The following WDR82 variants were observed in gnomAD, a reference collection of about 807,000 sequenced individuals.
WDR82 encodes WD repeat-containing protein 82.
In WDR82, 8 loss-of-function variants were observed where a neutral mutation model predicts 36.1. The observed-to-expected ratio is 0.22, with a 90% confidence interval of 0.13 to 0.40. The LOEUF is 0.40. Ranked by LOEUF, WDR82 falls within the 10% of genes least tolerant of loss-of-function variation. The probability of loss-of-function intolerance (pLI) is 1.00; values close to 1 mark genes in which losing one functional copy is unlikely to be tolerated. For missense variants in WDR82, 185 were observed against 400.5 expected (o/e 0.46, Z 4.59); for synonymous variants, 129 against 137.8 (o/e 0.94, Z 0.45).
chr3:52,258,529 C>T lies in WDR82; in HGVS notation c.912+7G>A. The T allele has an allele frequency of 5.6e-6, 9 of 1,613,268 alleles. No individual in the cohort carries two copies. Among genetic ancestry groups the T allele is most frequent in the Non-Finnish European group, 7.6e-6 (9 of 1,179,872 alleles). On this transcript the variant is annotated splice_region_variant and intron_variant, in intron 8 of 8. Transcript: ENST00000296490. Reference sequence around the variant, plus strand: ...TGAGTAGCAGATACCTCTTACTGTTCACATACCATGTTGGAACACGCACTG... The same window carrying T: ...TGAGTAGCAGATACCTCTTACTGTTTACATACCATGTTGGAACACGCACTG...
rs546254190 is a variant in WDR82, at chr3:52,274,794, C to G, written c.161+3407G>C. Among the ~76,000 whole-genome samples the G allele has an allele frequency of 2.2e-4, 33 of 152,128 alleles. No individual in the cohort carries two copies. The South Asian group carries it at 6.8e-3, about 32-fold the overall frequency. On this transcript the variant is annotated intron_variant, in intron 1 of 8. Transcript: ENST00000296490. ...ATGGGTGCCTGTAATCCCAGCTACTCGGGAGGCTGAGGCACGAGAATCGCT... is the reference window on the plus strand; with the variant it reads ...ATGGGTGCCTGTAATCCCAGCTACTGGGGAGGCTGAGGCACGAGAATCGCT...
intron 6 of WDR82, 117 bp downstream of exon 6, chr3:52,259,600 G>C: frequency 8.0e-7 from 1 of 1,250,778 alleles, no homozygotes. Flanking sequence ...AAATACAAGT[G>C]CATGCCTTCA....
intron 4 of WDR82, 121 bp from the exon 5 acceptor site, chr3:52,260,622 A>C: frequency 1.9e-6 from 1 of 538,530 alleles, no homozygotes; most frequent in Non-Finnish European, 3.1e-6. Context: ...CCACTATATA[A>C]TTTACTTTTC....
At chr3:52,257,765 C>CT (rs1268652676) in intron 8 of WDR82, among the ~76,000 whole-genome samples, 1 of 151,784 alleles carries the variant, frequency 6.6e-6, no homozygotes, top group African/African-American at 2.4e-5. Context: ...CCCCCGCCCC[C>CT]TTTTTTTTAA....
chr3:52,274,008 T>G (rs1248003786), intron 1 of WDR82, among the ~76,000 whole-genome samples: 1 of 152,244 alleles, frequency 6.6e-6, no homozygotes, highest in Non-Finnish European at 1.5e-5. Context: ...TCAAATATTT[T>G]GGTAAGCTTC....
Position 52,278,283 on chromosome 3 carries a change from A to G in WDR82, c.79T>C (p.Phe27Leu), listed in dbSNP as rs1700225353. 1 of 1,611,112 alleles carries G rather than the reference A, an allele frequency of 6.2e-7. No individual in the cohort carries two copies. Among genetic ancestry groups the G allele is most frequent in the South Asian group, 1.1e-5 (1 of 90,858 alleles). Residue 27 changes from phenylalanine to leucine, a missense_variant, in exon 1 of 9, where the codon TTC becomes CTC. Around this residue, in one of 3 missense-constraint regions of WDR82, gnomAD observed 49 missense variants for 80.6 expected, o/e 0.61. Transcript: ENST00000296490. ...GTCTCGCCGTTGGGGCTGAAATCGA[A>G]GCAGTTAATCTTGTCCGAGTTTTCG... The part of the protein sequence containing the change: ...FRENSDKINC[F>L]DFSPNGETVI...
intron 8 of WDR82, 101 bp from the exon 9 acceptor site, chr3:52,257,620 T>A: frequency 6.9e-7 from 1 of 1,453,094 alleles, no homozygotes; most frequent in Non-Finnish European, 9.5e-7. Context: ...CCAACCCCAG[T>A]GGCTCTGGTA....
chr3:52,277,505 C>T (rs1445721972), intron 1 of WDR82, among the ~76,000 whole-genome samples: 1 of 152,072 alleles, frequency 6.6e-6, no homozygotes, highest in Non-Finnish European at 1.5e-5. Flanking sequence ...CAGGATGGGA[C>T]GACCAAGTTC....
intron 3 of WDR82, among the ~76,000 whole-genome samples, chr3:52,266,191 G>C (rs917410773): frequency 1.3e-5 from 2 of 151,972 alleles, no homozygotes; most frequent in Admixed American, 6.6e-5. Flanking sequence ...TCTTTAAATG[G>C]AACATTTTTA....
intron 1 of WDR82, among the ~76,000 whole-genome samples, chr3:52,274,074 C>T (rs1191325416): frequency 6.6e-6 from 1 of 152,210 alleles, no homozygotes; most frequent in East Asian, 1.9e-4. Context: ...TAATATTAAC[C>T]TTTCACTTTG....
intron 2 of WDR82, among the ~76,000 whole-genome samples, chr3:52,270,481 T>C (rs2107340004): frequency 6.6e-6 from 1 of 152,322 alleles, no homozygotes; most frequent in East Asian, 1.9e-4. Context: ...GTTTCCTTTT[T>C]CCACTCCCCA....
chr3:52,267,675 A>T (rs1257831838), intron 2 of WDR82: 1 of 152,438 alleles, frequency 6.6e-6, no homozygotes, highest in Non-Finnish European at 1.5e-5. Context: ...TAGCAGTGAG[A>T]TTTTGACAAT....
chr3:52,276,902 A>G (rs1044332847), intron 1 of WDR82, among the ~76,000 whole-genome samples: 1 of 151,546 alleles, frequency 6.6e-6, no homozygotes, highest in Non-Finnish European at 1.5e-5. Flanking sequence ...CCCAGTGGGG[A>G]AAAAAACTGG....
chr3:52,270,615 A>C, intron 2 of WDR82, 97 bp downstream of exon 2: 1 of 906,438 alleles, frequency 1.1e-6, no homozygotes, highest in Non-Finnish European at 1.7e-6. Context: ...AAAATACTTA[A>C]ACTAAAGTAG....
intron 2 of WDR82, among the ~76,000 whole-genome samples, chr3:52,268,714 G>C (rs1297785294): frequency 6.7e-6 from 1 of 148,196 alleles, no homozygotes; most frequent in African/African-American, 2.5e-5. Flanking sequence ...ACAGGCAGAA[G>C]AGTCTCATTA....
chr3:52,270,906 G>T, intron 1 of WDR82, 97 bp from the exon 2 acceptor site: 1 of 909,946 alleles, frequency 1.1e-6, no homozygotes, highest in Non-Finnish European at 1.6e-6. Flanking sequence ...TGTGGCAAAG[G>T]TGAGGATTTT....
intron 3 of WDR82, among the ~76,000 whole-genome samples, chr3:52,264,198 A>G (rs1700086254): frequency 6.6e-6 from 1 of 152,198 alleles, no homozygotes; most frequent in South Asian, 2.1e-4. Context: ...TGTAGGTGGA[A>G]GGCGGGTCTG....
chr3:52,264,039 T>A (rs1578006971), intron 3 of WDR82, among the ~76,000 whole-genome samples: 1 of 152,150 alleles, frequency 6.6e-6, no homozygotes, highest in East Asian at 1.9e-4. Context: ...GGTGCGTGCC[T>A]GTAATCCCAG....
chr3:52,264,607 G>C (rs1340182827), intron 3 of WDR82, among the ~76,000 whole-genome samples: 1 of 152,080 alleles, frequency 6.6e-6, no homozygotes, highest in African/African-American at 2.4e-5. Flanking sequence ...GTGGGTGATA[G>C]GGTCAATAAG....
Sources: allele counts gnomAD v4.1 joint callset (sites outside exome capture counted in the v4.1 genomes callset), GRCh38; gene constraint gnomAD v4.1.1; regional missense constraint gnomAD v4.1.1; transcripts MANE v1.5; gene names NCBI Gene and HGNC (gene_info 2026-07-23, HGNC 2026-07-21).